Variants in EVL observed in about 807,000 individuals in gnomAD.
The protein encoded by EVL is ena/VASP-like protein.
A neutral mutation model predicts 59.6 loss-of-function variants in EVL; 21 were observed. The ratio of observed to expected loss-of-function variants is 0.35; its 90% CI spans 0.25 to 0.51. The LOEUF is 0.51. Among genes scored for constraint, EVL ranks in the 20% least tolerant of loss-of-function variants. The pLI is 0.97. For synonymous variants in EVL, 198 were observed against 203.5 expected (o/e 0.97, Z 0.23); for missense variants, 462 against 546.6 (o/e 0.85, Z 1.54).
intron 1 of EVL, among the ~76,000 whole-genome samples, chr14:99,994,620 C>A (rs2060900396): frequency 6.6e-6 from 1 of 152,150 alleles, no homozygotes; most frequent in Admixed American, 6.5e-5. Context: ...TATCCATTAA[C>A]AGACTTATAG....
At position 100,130,088 on chromosome 14, in the gene EVL, G is replaced by C. The variant is rs78366212; in HGVS notation, c.839+404G>C. Among the ~76,000 whole-genome samples, 1,489 of 152,338 alleles carry C rather than the reference G, an allele frequency of 9.8e-3. 15 individuals are homozygous for C. Among genetic ancestry groups the C allele is most frequent in the African/African-American group, 0.034 (1,413 of 41,578 alleles). The stretch of plus-strand genomic sequence containing the variant: ...ACACTCTGGTGAATGTGTGGTGAAG[G>C]CACCCCATTCTCCAGGGTTCTTTAT... On this transcript the variant is annotated intron_variant, in intron 7 of 13. Transcript: ENST00000392920. This position sits in a 1 kb window ranked among gnomAD's most constrained non-coding sequence, Gnocchi z 4.8.
At chr14:100,103,714 T>G (rs1886378591) in intron 3 of EVL, among the ~76,000 whole-genome samples, 1 of 152,078 alleles carries the variant, frequency 6.6e-6, no homozygotes, top group Non-Finnish European at 1.5e-5. Flanking sequence ...CGGCTGCTGT[T>G]TGGTCTCCCA....
chr14:100,042,787 A>G (rs556324395), intron 1 of EVL, among the ~76,000 whole-genome samples: 2 of 152,302 alleles, frequency 1.3e-5, no homozygotes, highest in Admixed American at 6.5e-5. Flanking sequence ...GCCATGTTGA[A>G]TTCTGATTGA....
At chr14:100,093,452 T>C (rs2062606757) in intron 2 of EVL, among the ~76,000 whole-genome samples, 1 of 152,172 alleles carries the variant, frequency 6.6e-6, no homozygotes, top group African/African-American at 2.4e-5. Context: ...CCTCTGCTCA[T>C]TCCTTGTACC....
intron 1 of EVL, among the ~76,000 whole-genome samples, chr14:100,022,971 A>G (rs1283353479): frequency 6.6e-6 from 1 of 152,106 alleles, no homozygotes. Context: ...TCATTAAGGA[A>G]TCCCTGCAGA....
chr14:100,064,308 C>T (rs115518346), upstream of EVL, among the ~76,000 whole-genome samples: 1,846 of 152,278 alleles, frequency 0.012, 34 homozygotes, highest in African/African-American at 0.042. Flanking sequence ...AGGACAAGTA[C>T]AGTCGTTCTC....
At chr14:100,096,256 C>T (rs1262076785) in intron 2 of EVL, among the ~76,000 whole-genome samples, 1 of 152,216 alleles carries the variant, frequency 6.6e-6, no homozygotes, top group African/African-American at 2.4e-5. Flanking sequence ...TTATCCCCAA[C>T]CTCAGATCAC....
intron 2 of EVL, among the ~76,000 whole-genome samples, chr14:100,096,152 T>G (rs1229341294): frequency 6.6e-6 from 1 of 152,218 alleles, no homozygotes; most frequent in Non-Finnish European, 1.5e-5. Context: ...CTTTTCTGGA[T>G]GTCACTCATG....
At chr14:100,020,980 CAA>C (rs2061113918) in intron 1 of EVL, among the ~76,000 whole-genome samples, 1 of 152,210 alleles carries the variant, frequency 6.6e-6, no homozygotes, top group African/African-American at 2.4e-5. Context: ...AGATGACTAA[CAA>C]GAATTTATAT....
intron 1 of EVL, among the ~76,000 whole-genome samples, chr14:99,990,639 C>G (rs2060869469): frequency 6.6e-6 from 1 of 152,092 alleles, no homozygotes; most frequent in Non-Finnish European, 1.5e-5. Flanking sequence ...GCATAATGTC[C>G]TTGAGGTTCA....
At chr14:100,033,053 C>G (rs1343535369) in intron 1 of EVL, among the ~76,000 whole-genome samples, 1 of 151,792 alleles carries the variant, frequency 6.6e-6, no homozygotes, top group African/African-American at 2.4e-5. Context: ...AGCATGAAGG[C>G]TTTTGGGGAT....
chr14:100,072,932 C>T lies in EVL; in HGVS notation c.11+7421C>T, dbSNP rs117903367. On this transcript the variant is annotated intron_variant, in intron 1 of 13. Transcript: ENST00000392920. ...TTGCTGTCTAGTCCAGGCTCTGCCG[C>T]GGATCAGCCATGGGCGTTGGGCAGG... Among the ~76,000 whole-genome samples, 196 of 152,292 alleles carry T rather than the reference C, an allele frequency of 1.3e-3. 1 individual carries two copies. Among genetic ancestry groups the T allele is most frequent in the South Asian group, 2.5e-3 (12 of 4,820 alleles).
In EVL at chr14:99,976,028, C is replaced by A. The variant is rs966654441; in HGVS notation, c.5+3971C>A. Among the ~76,000 whole-genome samples the A allele has an allele frequency of 2.6e-5, 4 of 151,692 alleles. No individual in the cohort carries two copies. The East Asian group carries it at 7.7e-4, about 29-fold the overall frequency. ...GTTTTTAAAAATTATTTTTAAATTT[C>A]TTTTTTGTTTTTTATTTTTATTATT... On this transcript the variant is annotated intron_variant, in intron 1 of 13. Transcript: ENST00000402714.
intron 1 of EVL, among the ~76,000 whole-genome samples, chr14:100,015,698 C>G (rs570473002): frequency 2.0e-5 from 3 of 152,324 alleles, no homozygotes; most frequent in Non-Finnish European, 2.9e-5. Flanking sequence ...TAGGGCCCCT[C>G]CACCTTCTTC....
intron 1 of EVL, among the ~76,000 whole-genome samples, chr14:99,995,814 A>T (rs1365891922): frequency 6.6e-6 from 1 of 151,996 alleles, no homozygotes; most frequent in Non-Finnish European, 1.5e-5. Context: ...AGTCTTCTCT[A>T]TGCATGTAAT....
chr14:100,113,209 TG>T (rs2140349987), intron 3 of EVL, among the ~76,000 whole-genome samples: 1 of 152,048 alleles, frequency 6.6e-6, no homozygotes, highest in East Asian at 1.9e-4. Context: ...GCTGCCATCT[TG>T]GATGCATGCG....
At chr14:100,019,409 A>G (rs2061082270) in intron 1 of EVL, 2 of 477,930 alleles carry the variant, frequency 4.2e-6, no homozygotes, top group East Asian at 3.6e-5. Context: ...CTAAGCATAC[A>G]CTGCATTAAT....
intron 1 of EVL, among the ~76,000 whole-genome samples, chr14:100,011,456 TGAAAC>T (rs1279069321): frequency 1.3e-5 from 2 of 152,228 alleles, no homozygotes; most frequent in African/African-American, 4.8e-5. Flanking sequence ...TGCTCTGAAA[TGAAAC>T]ATTAACCAGT....
At chr14:100,125,383 A>G (rs1442951942) in intron 4 of EVL, among the ~76,000 whole-genome samples, 1 of 152,192 alleles carries the variant, frequency 6.6e-6, no homozygotes, top group Non-Finnish European at 1.5e-5. Context: ...CCAAGCATCC[A>G]AACAGTACCA....
Sources: allele counts gnomAD v4.1 joint callset (sites outside exome capture counted in the v4.1 genomes callset), GRCh38; gene constraint gnomAD v4.1.1; non-coding constraint Gnocchi (gnomAD v3.1); transcripts MANE v1.5; gene names NCBI Gene and HGNC (gene_info 2026-07-23, HGNC 2026-07-21).